Variants in STK33 observed in about 807,000 individuals in gnomAD.
The protein encoded by STK33 is serine/threonine-protein kinase 33.
A neutral mutation model predicts 58.0 loss-of-function variants in STK33; 52 were observed. The observed-to-expected ratio is 0.90, with a 90% CI of 0.72 to 1.13. STK33 has a LOEUF of 1.13. Ranked by LOEUF, STK33 falls within the 50% of genes most tolerant of loss-of-function variation. The probability of loss-of-function intolerance (pLI) is 0.00; values close to 1 mark genes in which losing one functional copy is unlikely to be tolerated. For missense variants in STK33, 630 were observed against 604.2 expected (o/e 1.04, Z -0.45); for synonymous variants, 215 against 200.1 (o/e 1.07, Z -0.63).
At chr11:8,584,930 T>A (rs1427404510) in intron 1 of STK33, among the ~76,000 whole-genome samples, 1 of 151,674 alleles carries the variant, frequency 6.6e-6, no homozygotes, top group African/African-American at 2.4e-5. Flanking sequence ...AAATGATTTT[T>A]TTTTTTTTTT....
intron 11 of STK33, among the ~76,000 whole-genome samples, chr11:8,442,648 C>A (rs555972351): frequency 2.0e-5 from 3 of 152,212 alleles, no homozygotes; most frequent in Non-Finnish European, 2.9e-5. Context: ...CATGTAACTA[C>A]AGACCAGATG....
chr11:8,441,260 C>T (rs1944704409), intron 11 of STK33, among the ~76,000 whole-genome samples: 1 of 151,904 alleles, frequency 6.6e-6, no homozygotes, highest in Non-Finnish European at 1.5e-5. Context: ...ATAAGAAAGC[C>T]AAGACAAAGA....
At chr11:8,569,115 A>G (rs1957633469) in intron 1 of STK33, among the ~76,000 whole-genome samples, 1 of 152,174 alleles carries the variant, frequency 6.6e-6, no homozygotes. Context: ...ATGATTCTCA[A>G]TCTGGCTGCA....
At chr11:8,456,613 G>A (rs1213889435) in intron 9 of STK33, among the ~76,000 whole-genome samples, 1 of 151,892 alleles carries the variant, frequency 6.6e-6, no homozygotes, top group Non-Finnish European at 1.5e-5. Flanking sequence ...TCTGTAAAGT[G>A]AGAAGGTTCT....
chr11:8,343,069 G>A, the STK33 span, among the ~76,000 whole-genome samples: 625 of 152,338 alleles, frequency 4.1e-3, 3 homozygotes, highest in Non-Finnish European at 7.1e-3. Flanking sequence ...AACCACATAC[G>A]ATCGTTTCCT....
At chr11:8,394,984 C>T (rs142141692) in intron 15 of STK33, among the ~76,000 whole-genome samples, 2 of 152,218 alleles carry the variant, frequency 1.3e-5, no homozygotes, top group African/African-American at 4.8e-5. Flanking sequence ...CCAAAGACAA[C>T]CAATATTGTC....
chr11:8,523,201 G>A lies in STK33; in HGVS notation c.-465-42587C>T, dbSNP rs565928236. The stretch of plus-strand genomic sequence containing the variant: ...CCAAAGTGCCGAGATTGCAGCCTCT[G>A]CCCAGCCGCCACCCCGTCTGGGAAG... On this transcript the variant is annotated intron_variant, in intron 1 of 15. Coordinates refer to ENST00000687296, the MANE Select transcript of STK33 (RefSeq NM_001352389.2). Among the ~76,000 whole-genome samples, 4 of 152,250 alleles carry A rather than the reference G, an allele frequency of 2.6e-5. No individual in the cohort carries two copies. In the East Asian group the frequency reaches 7.8e-4, roughly 30 times the overall value.
the STK33 span, among the ~76,000 whole-genome samples, chr11:8,343,639 G>A: frequency 6.6e-6 from 1 of 152,174 alleles, no homozygotes; most frequent in Admixed American, 6.5e-5. Context: ...TCACTCCTGG[G>A]CTCCTGCCCT....
the STK33 span, among the ~76,000 whole-genome samples, chr11:8,364,942 C>T: frequency 7.0e-3 from 1,068 of 151,862 alleles, 13 homozygotes; most frequent in African/African-American, 0.024. Flanking sequence ...CCCCCCGCCC[C>T]GCCCAAGCAA....
chr11:8,562,861 C>A (rs1377954147), intron 1 of STK33, among the ~76,000 whole-genome samples: 1 of 152,174 alleles, frequency 6.6e-6, no homozygotes, highest in Non-Finnish European at 1.5e-5. Flanking sequence ...GAAATAGTTC[C>A]TACCCTCTTG....
the STK33 span, among the ~76,000 whole-genome samples, chr11:8,369,697 T>A: frequency 6.6e-6 from 1 of 152,166 alleles, no homozygotes; most frequent in African/African-American, 2.4e-5. Context: ...CTCTTCCTGC[T>A]GACCCCAGTT....
At chr11:8,395,666 CAA>C (rs1293738881) in intron 15 of STK33, among the ~76,000 whole-genome samples, 1 of 152,116 alleles carries the variant, frequency 6.6e-6, no homozygotes, top group Admixed American at 6.5e-5. Flanking sequence ...TCTGGCTATG[CAA>C]TATTCTCTTG....
chr11:8,553,294 A>G (rs1355343812), intron 1 of STK33, among the ~76,000 whole-genome samples: 2 of 146,224 alleles, frequency 1.4e-5, no homozygotes, highest in African/African-American at 5.0e-5. Flanking sequence ...AACCAGTAAC[A>G]TAATTGCTTA....
intron 14 of STK33, among the ~76,000 whole-genome samples, chr11:8,428,580 T>C (rs1157634872): frequency 2.0e-5 from 3 of 152,242 alleles, no homozygotes; most frequent in Non-Finnish European, 4.4e-5. Context: ...CTGAGTGGTC[T>C]TGAAACGTAA....
chr11:8,391,144 C>A (rs78511267), downstream of STK33, among the ~76,000 whole-genome samples: 291 of 152,296 alleles, frequency 1.9e-3, 2 homozygotes, highest in African/African-American at 6.4e-3. Flanking sequence ...GTGAACAGAA[C>A]ACGCCCTTTA....
the STK33 span, among the ~76,000 whole-genome samples, chr11:8,382,598 G>A: frequency 6.6e-6 from 1 of 152,156 alleles, no homozygotes; most frequent in South Asian, 2.1e-4. Context: ...GAGGCGTGGG[G>A]ACATGCAGCT....
intron 1 of STK33, among the ~76,000 whole-genome samples, chr11:8,573,996 G>A (rs1958006684): frequency 1.3e-5 from 2 of 152,146 alleles, no homozygotes; most frequent in African/African-American, 2.4e-5. Context: ...TTACAGTGAT[G>A]GTTACACAAA....
At chr11:8,351,452 G>A in the STK33 span, among the ~76,000 whole-genome samples, 1 of 152,220 alleles carries the variant, frequency 6.6e-6, no homozygotes, top group Non-Finnish European at 1.5e-5. Flanking sequence ...AGGGCCACAG[G>A]GGACCCCTTA....
At chr11:8,357,334 G>A in the STK33 span, among the ~76,000 whole-genome samples, 43 of 152,374 alleles carry the variant, frequency 2.8e-4, no homozygotes, top group African/African-American at 9.4e-4. Flanking sequence ...GCAGCCCGCG[G>A]AGCCAGGAGT....
Sources: gnomAD v4.1 joint callset for allele counts (sites outside exome capture counted in the v4.1 genomes callset) on GRCh38, gnomAD v4.1.1 for gene constraint, MANE v1.5 for transcripts, NCBI Gene and HGNC (gene_info 2026-07-23, HGNC 2026-07-21) for gene names.